The following ARB2A variants were observed in gnomAD, a reference collection of about 807,000 sequenced individuals.
The protein encoded by ARB2A is cotranscriptional regulator ARB2A.
chr5:93,734,345 T>C, the ARB2A span: 1 of 152,110 alleles, frequency 6.6e-6, no homozygotes, highest in Non-Finnish European at 1.5e-5. Flanking sequence ...AAATTACCTA[T>C]TATATAGGTA....
chr5:94,030,463 C>G, the ARB2A span, among the ~76,000 whole-genome samples: 3 of 152,236 alleles, frequency 2.0e-5, no homozygotes, highest in Non-Finnish European at 2.9e-5. Context: ...TCTTTCTGAT[C>G]CTTGGGCATG....
chr5:93,912,150 T>C, the ARB2A span, among the ~76,000 whole-genome samples: 2 of 151,704 alleles, frequency 1.3e-5, no homozygotes, highest in Non-Finnish European at 3.0e-5. Context: ...TTGATGAATT[T>C]TTCATTTGAT....
At chr5:93,930,220 C>G in the ARB2A span, among the ~76,000 whole-genome samples, 1 of 152,132 alleles carries the variant, frequency 6.6e-6, no homozygotes, top group Non-Finnish European at 1.5e-5. Context: ...TATAAATATG[C>G]TTGATAATAC....
At chr5:93,917,793 C>A in the ARB2A span, among the ~76,000 whole-genome samples, 1 of 152,102 alleles carries the variant, frequency 6.6e-6, no homozygotes, top group South Asian at 2.1e-4. Context: ...AGGGAGGATA[C>A]CCTTCACCGA....
At chr5:93,986,891 G>A in the ARB2A span, among the ~76,000 whole-genome samples, 1 of 151,958 alleles carries the variant, frequency 6.6e-6, no homozygotes, top group Admixed American at 6.6e-5. Flanking sequence ...AGGCCGCAGG[G>A]TCCTCTGCCT....
chr5:94,032,774 A>T, the ARB2A span, among the ~76,000 whole-genome samples: 1 of 152,196 alleles, frequency 6.6e-6, no homozygotes, highest in South Asian at 2.1e-4. Flanking sequence ...CTGGAGTTTT[A>T]AGATTTAATA....
the ARB2A span, among the ~76,000 whole-genome samples, chr5:93,726,436 A>C: frequency 6.6e-6 from 1 of 152,122 alleles, no homozygotes; most frequent in African/African-American, 2.4e-5. Context: ...GGCAGAGAGA[A>C]GGCTGTTTCT....
chr5:93,861,746 T>C, the ARB2A span: 4 of 152,204 alleles, frequency 2.6e-5, no homozygotes, highest in South Asian at 2.1e-4. Flanking sequence ...TCAGAGGCCA[T>C]CGTTAAGCAT....
chr5:93,953,994 C>A, the ARB2A span, among the ~76,000 whole-genome samples: 1 of 152,126 alleles, frequency 6.6e-6, no homozygotes, highest in Non-Finnish European at 1.5e-5. Context: ...GTAAATGCTA[C>A]CAGTCCTAGG....
At chr5:93,985,809 A>C in the ARB2A span, among the ~76,000 whole-genome samples, 2 of 152,010 alleles carry the variant, frequency 1.3e-5, no homozygotes, top group African/African-American at 2.4e-5. Flanking sequence ...TTGGCCTCCC[A>C]AAGTGCTGAG....
At chr5:93,903,838 G>C in the ARB2A span, among the ~76,000 whole-genome samples, 1 of 151,074 alleles carries the variant, frequency 6.6e-6, no homozygotes, top group African/African-American at 2.4e-5. Flanking sequence ...CACATGAGTT[G>C]GTAAATCAGT....
the ARB2A span, among the ~76,000 whole-genome samples, chr5:93,781,437 TG>T: frequency 6.6e-6 from 1 of 152,238 alleles, no homozygotes; most frequent in African/African-American, 2.4e-5. Context: ...AGTCATCCTT[TG>T]ATGGATGCTT....
the ARB2A span, among the ~76,000 whole-genome samples, chr5:93,995,989 C>T: frequency 2.0e-5 from 3 of 152,190 alleles, no homozygotes; most frequent in South Asian, 6.2e-4. Flanking sequence ...CAAATACTTT[C>T]CCCTAAATAT....
the ARB2A span, among the ~76,000 whole-genome samples, chr5:93,664,253 T>A: frequency 6.6e-6 from 1 of 151,972 alleles, no homozygotes; most frequent in Non-Finnish European, 1.5e-5. Context: ...GCTAAGTTTT[T>A]AAAATTTTTT....
At chr5:93,852,956 T>C in the ARB2A span, among the ~76,000 whole-genome samples, 1 of 152,206 alleles carries the variant, frequency 6.6e-6, no homozygotes, top group East Asian at 1.9e-4. Context: ...TTTGGTTCCA[T>C]ATGAACTTTA....
the ARB2A span, among the ~76,000 whole-genome samples, chr5:93,803,863 G>A: frequency 6.6e-6 from 1 of 151,920 alleles, no homozygotes; most frequent in African/African-American, 2.4e-5. Flanking sequence ...GGAAAGGTAA[G>A]CAGGTCCATG....
At chr5:93,792,114 T>C in the ARB2A span, among the ~76,000 whole-genome samples, 4 of 152,176 alleles carry the variant, frequency 2.6e-5, no homozygotes, top group Admixed American at 2.6e-4. Flanking sequence ...GACAAGTTAA[T>C]TGTAAGGAAA....
the ARB2A span, among the ~76,000 whole-genome samples, chr5:93,835,738 A>ACTCTACCAGCTTCACACTCTACG: frequency 7.2e-5 from 11 of 152,146 alleles, no homozygotes; most frequent in Non-Finnish European, 1.5e-4. Context: ...GTACATACAC[A>ACTCTACCAGCTTCACACTCTACG]CACACACACT....
At chr5:93,891,263 G>A in the ARB2A span, among the ~76,000 whole-genome samples, 1 of 151,952 alleles carries the variant, frequency 6.6e-6, no homozygotes, top group African/African-American at 2.4e-5. Flanking sequence ...ATACATGGAC[G>A]TCATTTTGAA....
Sources: allele counts gnomAD v4.1 joint callset (sites outside exome capture counted in the v4.1 genomes callset), GRCh38; gene constraint gnomAD v4.1.1; transcripts MANE v1.5; gene names NCBI Gene and HGNC (gene_info 2026-07-23, HGNC 2026-07-21).